The following RPP40 variants were observed in gnomAD, a reference collection of about 807,000 sequenced individuals.
RPP40 encodes ribonuclease P protein subunit p40.
Under a neutral mutation model 42.5 loss-of-function variants are expected in RPP40, and 30 were observed. The ratio of observed to expected loss-of-function variants is 0.71; its 90% CI spans 0.53 to 0.96. RPP40 has a LOEUF of 0.96. RPP40 is among the 40% of genes least tolerant of loss of function. The pLI is 0.00. For missense variants in RPP40, 426 were observed against 433.5 expected (o/e 0.98, Z 0.15); for synonymous variants, 173 against 164.0 (o/e 1.05, Z -0.42).
the RPP40 span, among the ~76,000 whole-genome samples, chr6:4,989,267 T>C: frequency 1.2e-4 from 18 of 152,234 alleles, no homozygotes; most frequent in African/African-American, 3.9e-4. Flanking sequence ...TCCTATATCA[T>C]TGATCTATTG....
chr6:5,000,490 CTTTTTT>C (rs10631918), intron 3 of RPP40, 67 bp downstream of exon 3: 3 of 695,692 alleles, frequency 4.3e-6, no homozygotes, highest in African/African-American at 2.0e-5. Context: ...GCCCAGCTGA[CTTTTTT>C]TTTTTTTTTT....
chr6:4,998,905 A>C, intron 4 of RPP40, 64 bp from the exon 5 acceptor site: 1 of 1,066,880 alleles, frequency 9.4e-7, no homozygotes, highest in East Asian at 3.0e-5. Flanking sequence ...CCATGGAAAA[A>C]GTGTTACATT....
chr6:4,998,520 C>T (rs1488427769), intron 5 of RPP40, among the ~76,000 whole-genome samples, 196 bp downstream of exon 5: 1 of 152,206 alleles, frequency 6.6e-6, no homozygotes, highest in Non-Finnish European at 1.5e-5. Context: ...GGCAGAAAGG[C>T]CTGCGTGCCT....
chr6:4,990,167 G>A (rs985915428), downstream of RPP40, among the ~76,000 whole-genome samples: 1 of 152,152 alleles, frequency 6.6e-6, no homozygotes, highest in Middle Eastern at 3.2e-3. Context: ...ATGCCTTTCT[G>A]TATTGATTGA....
rs572320302 is a variant in RPP40 at position 4,998,974 on chromosome 6, C to T, written c.434-133G>A. 110 of 542,142 alleles carry T rather than the reference C, an allele frequency of 2.0e-4. 1 individual carries two copies. The highest frequency in any genetic ancestry group is 1.9e-3 in the South Asian group (58 of 30,198). The allele number at this position is 542,142 out of a possible 1,614,324, so 33.6% of individuals were successfully genotyped here. The stretch of plus-strand genomic sequence containing the variant: ...TAGTAAAATTATTTTATTCTTCTTC[C>T]ACTCCCTTTGGTTTGCCAAATAAAT... On this transcript the variant is annotated intron_variant, in intron 4 of 7. Transcript: ENST00000380051.
rs140053929 is a variant in RPP40 at position 5,001,395 on chromosome 6, G to A, written c.268+706C>T. On this transcript the variant is annotated intron_variant, in intron 2 of 7. Coordinates refer to ENST00000380051, the MANE Select transcript of RPP40 (RefSeq NM_006638.4). ...AGACAAGATGCCCAGCTCATAAGTC[G>A]CCCCAGCAGTGTCAGAATGAGAGGA... 8.2e-4 allele frequency among the ~76,000 whole-genome samples: 125 copies of A among 152,254 alleles called. 1 individual carries two copies. Among genetic ancestry groups the A allele is most frequent in the African/African-American group, 2.6e-3 (107 of 41,540 alleles).
chr6:4,995,042 T>C lies in RPP40; in HGVS notation c.*36A>G, dbSNP rs748509619. On this transcript the variant is annotated 3_prime_UTR_variant, in exon 8 of 8. Coordinates refer to ENST00000380051, the MANE Select transcript of RPP40 (RefSeq NM_006638.4). ...CCATTAAGAAATCTGAAAGCAAGCGTAAATGTAAGTAAACACGATTTTTAA... is the reference window on the plus strand; with the variant it reads ...CCATTAAGAAATCTGAAAGCAAGCGCAAATGTAAGTAAACACGATTTTTAA... The C allele has an allele frequency of 6.5e-7, 1 of 1,550,370 alleles. No homozygotes were observed.
intron 7 of RPP40, among the ~76,000 whole-genome samples, 158 bp downstream of exon 7, chr6:4,995,793 G>A (rs1364445925): frequency 6.6e-6 from 1 of 152,160 alleles, no homozygotes; most frequent in Non-Finnish European, 1.5e-5. Flanking sequence ...TACTAAATAG[G>A]ATTATACTCA....
intron 5 of RPP40, among the ~76,000 whole-genome samples, chr6:4,997,669 C>T (rs1038151724): frequency 1.3e-5 from 2 of 148,692 alleles, no homozygotes; most frequent in Non-Finnish European, 3.0e-5. Flanking sequence ...ATCCATCCAT[C>T]CATCCTATTG....
chr6:4,995,206 C>T lies in RPP40; in HGVS notation c.964G>A (p.Val322Ile), dbSNP rs1433606787. Residue 322 changes from valine to isoleucine, a missense_variant, in exon 8 of 8, where the codon GTT becomes ATT. Transcript: ENST00000380051. ...LSVQGFADSP[V>I]SWEKNEHGFR... ...CCATGTTCATTTTTTTCCCAAGAAA[C>T]AGGGCTGTCTGCAAAGCCTTGAACG... 1 of 1,614,092 alleles carries T rather than the reference C, an allele frequency of 6.2e-7. No individual in the cohort carries two copies. Among genetic ancestry groups the T allele is most frequent in the Non-Finnish European group, 8.5e-7 (1 of 1,180,018 alleles).
At chr6:4,993,687 AGGT>A (rs1463855014), downstream of RPP40, among the ~76,000 whole-genome samples, 1 of 152,202 alleles carries the variant, frequency 6.6e-6, no homozygotes, top group Non-Finnish European at 1.5e-5. Flanking sequence ...AAGACTATCC[AGGT>A]GGTGCAAACA....
intron 2 of RPP40, 144 bp from the exon 3 acceptor site, chr6:5,000,775 A>C (rs1759527879): frequency 1.6e-6 from 1 of 628,644 alleles, no homozygotes; most frequent in Non-Finnish European, 2.8e-6. Context: ...AATAAACCAA[A>C]CATCTGCTAA....
chr6:4,996,193 TGGAAGACACA>T lies in RPP40; in HGVS notation c.758+19_758+28del. The T allele has an allele frequency of 6.2e-7, 1 of 1,610,892 alleles. No homozygotes were observed. The highest frequency in any genetic ancestry group is 8.5e-7 in the Non-Finnish European group (1 of 1,177,472). Reference sequence around the variant, plus strand: ...AAAAACAAGCAGCAGGCCAGAGCCCTGGAAGACACAGGGAGTTCAGATACCCACAGGTCGA... The same window carrying T: ...AAAAACAAGCAGCAGGCCAGAGCCCTGGGAGTTCAGATACCCACAGGTCGA... On this transcript the variant is annotated intron_variant, in intron 6 of 7. Transcript: ENST00000380051.
chr6:4,995,223 C>T lies in RPP40; in HGVS notation c.947G>A (p.Gly316Asp), dbSNP rs1384163047. Residue 316 changes from glycine to aspartate, a missense_variant, in exon 8 of 8, where the codon GGC becomes GAC. Transcript: ENST00000380051. Reference sequence around the variant, plus strand: ...CCAAGAAACAGGGCTGTCTGCAAAGCCTTGAACGGACAGTGTAACCCATGG... The same window carrying T: ...CCAAGAAACAGGGCTGTCTGCAAAGTCTTGAACGGACAGTGTAACCCATGG... ...LAPWVTLSVQ[G>D]FADSPVSWEK... 6.2e-7 allele frequency: 1 copy of T among 1,614,098 alleles called. No homozygotes were observed. Among genetic ancestry groups the T allele is most frequent in the Non-Finnish European group, 8.5e-7 (1 of 1,180,004 alleles).
At chr6:5,003,139 G>A (rs1448000794) in intron 1 of RPP40, among the ~76,000 whole-genome samples, 2 of 152,140 alleles carry the variant, frequency 1.3e-5, no homozygotes, top group South Asian at 4.2e-4. Flanking sequence ...ACGAGGTCAG[G>A]AGATCGAGAC....
chr6:4,995,121 C>A lies in RPP40; in HGVS notation c.1049G>T (p.Trp350Leu). ...ATTTGCCCCAACAGCCATCTGAAGC[C>A]AATAGTCCTGATTATTAAAAATCAC... ...NFVIFNNQDY[W>L]LQMAVGANDH... Residue 350 changes from tryptophan to leucine, a missense_variant, in exon 8 of 8, where the codon TGG becomes TTG. By Grantham distance (61) the Trp-to-Leu change is moderately conservative. Transcript: ENST00000380051. 1.9e-6 allele frequency: 3 copies of A among 1,613,998 alleles called. No individual in the cohort carries two copies. The highest frequency in any genetic ancestry group is 2.5e-6 in the Non-Finnish European group (3 of 1,179,956).
chr6:5,003,998 G>A lies in RPP40; in HGVS notation c.5C>T (p.Ala2Val), dbSNP rs762763134. 11 of 1,606,998 alleles carry A rather than the reference G, an allele frequency of 6.8e-6. No individual in the cohort carries two copies. The Admixed American group carries it at 1.8e-4, about 27-fold the overall frequency. The part of the protein sequence containing the change: M[A>V]TLRRLREAPR... ...CGCCTCCCGAAGCCGGCGCAGCGTGGCCATGCTCTCCTGGGTTCCTGGTCC... is the reference window on the plus strand; with the variant it reads ...CGCCTCCCGAAGCCGGCGCAGCGTGACCATGCTCTCCTGGGTTCCTGGTCC... The change falls in exon 1 of 8, where the codon GCC becomes GTC. Residue 2 changes from alanine (A) to valine (V), a missense_variant. Physicochemically the swap from Ala to Val is moderately conservative, Grantham distance 64. Coordinates refer to ENST00000380051, the MANE Select transcript of RPP40 (RefSeq NM_006638.4).
rs1759386438 is a variant in RPP40, at chr6:4,996,411, T to A, written c.569A>T (p.Glu190Val). Residue 190 changes from glutamate (E) to valine (V), a missense_variant, in exon 6 of 8, where the codon GAA (glutamate) becomes GTA (valine). Transcript: ENST00000380051. ...LLAWHKTGSE[E>V]STMMSYFSKY... ...GGAAAAATATGACATCATTGTCGATTCTTCTGAACCTTAAAAACACACCAC... is the reference window on the plus strand; with the variant it reads ...GGAAAAATATGACATCATTGTCGATACTTCTGAACCTTAAAAACACACCAC... The A allele has an allele frequency of 6.2e-7, 1 of 1,612,794 alleles. No homozygotes were observed. The highest frequency in any genetic ancestry group is 1.7e-5 in the Admixed American group (1 of 60,014).
At chr6:4,998,214 A>T (rs1422666812) in intron 5 of RPP40, among the ~76,000 whole-genome samples, 1 of 152,246 alleles carries the variant, frequency 6.6e-6, no homozygotes, top group Admixed American at 6.5e-5. Flanking sequence ...AGCAACATAC[A>T]TGGCCGTTTT....
Sources: gnomAD v4.1 joint callset for allele counts (sites outside exome capture counted in the v4.1 genomes callset) on GRCh38, gnomAD v4.1.1 for gene constraint, MANE v1.5 for transcripts, NCBI Gene and HGNC (gene_info 2026-07-23, HGNC 2026-07-21) for gene names.